COL4A2: variants seen among roughly 807,000 people sequenced by gnomAD.
COL4A2 encodes collagen alpha-2(IV) chain.
In COL4A2, 99 loss-of-function variants were observed where a neutral mutation model predicts 200.2. The observed-to-expected ratio is 0.49, with a 90% CI of 0.42 to 0.58. COL4A2 has a LOEUF of 0.58. Ranked by LOEUF, COL4A2 falls within the 20% of genes least tolerant of loss-of-function variation. The pLI, the probability that COL4A2 is intolerant of heterozygous loss-of-function variation, is 0.00. For missense variants in COL4A2, 1,950 were observed against 2,314.1 expected (o/e 0.84, Z 3.23); for synonymous variants, 897 against 900.6 (o/e 1.00, Z 0.07).
intron 40 of COL4A2, among the ~76,000 whole-genome samples, chr13:110,495,787 G>T (rs1883435211): frequency 6.6e-6 from 1 of 152,178 alleles, no homozygotes; most frequent in Non-Finnish European, 1.5e-5. Flanking sequence ...CAAGCACTCT[G>T]GGTAGTGAAT....
At chr13:110,310,382 A>G (rs1187727643) in intron 3 of COL4A2, among the ~76,000 whole-genome samples, 5 of 152,246 alleles carry the variant, frequency 3.3e-5, no homozygotes, top group Non-Finnish European at 7.3e-5. Context: ...TCTGGGAACC[A>G]CTGAGCTACA....
rs115807648 is a variant in COL4A2, at chr13:110,351,025, C to T, written c.100-6447C>T. Among the ~76,000 whole-genome samples the T allele has an allele frequency of 6.1e-3, 924 of 152,198 alleles. 9 individuals carry two copies. The highest frequency in any genetic ancestry group is 0.021 in the African/African-American group (864 of 41,528). ...CAGTGTCTTCTTTGCTACCTGCTCT[C>T]TCTCTTGTTTCTTTCTTTCTTTATT... On this transcript the variant is annotated intron_variant, in intron 3 of 47. Coordinates refer to ENST00000360467, the MANE Select transcript of COL4A2 (RefSeq NM_001846.4).
intron 6 of COL4A2, 152 bp from the exon 7 acceptor site, chr13:110,428,315 T>C (rs1366839151): frequency 8.6e-6 from 5 of 583,262 alleles, no homozygotes; most frequent in Middle Eastern, 4.0e-4. Context: ...ATTTAATCTT[T>C]CATTCATTCA....
At position 110,512,540 on chromosome 13, in the gene COL4A2, G is replaced by A. The variant is rs374158491; in HGVS notation, c.*349G>A. The A allele has an allele frequency of 4.4e-5, 12 of 270,072 alleles. No homozygotes were observed. Among genetic ancestry groups the A allele is most frequent in the Admixed American group, 1.6e-4 (3 of 19,168 alleles). 16.7% of individuals were successfully genotyped at this position (270,072 alleles called of 1,614,324 possible). A position where few individuals can be genotyped will look rare whatever the true frequency, so the allele number is the denominator to read the frequency against. Reference sequence around the variant, plus strand: ...ACTCACATTGTTCAACTCCCTTCTCGGGGTGGGACAGACGAGACAACAGCA... The same window carrying A: ...ACTCACATTGTTCAACTCCCTTCTCAGGGTGGGACAGACGAGACAACAGCA... On this transcript the variant is annotated 3_prime_UTR_variant, in exon 48 of 48. Coordinates refer to ENST00000360467, the MANE Select transcript of COL4A2 (RefSeq NM_001846.4).
intron 27 of COL4A2, among the ~76,000 whole-genome samples, chr13:110,467,314 C>A (rs929576305): frequency 1.3e-5 from 2 of 152,360 alleles, no homozygotes; most frequent in Non-Finnish European, 2.9e-5. Flanking sequence ...TAGTTGGGGC[C>A]AGGCTAGAAG....
intron 38 of COL4A2, 39 bp from the exon 39 acceptor site, chr13:110,493,172 C>T (rs200433193): frequency 6.8e-6 from 11 of 1,612,538 alleles, no homozygotes; most frequent in Middle Eastern, 1.7e-4. Flanking sequence ...GTGACACCCC[C>T]GCAGGTGAAA....
intron 3 of COL4A2, among the ~76,000 whole-genome samples, chr13:110,336,054 G>A (rs1876171201): frequency 6.6e-6 from 1 of 152,198 alleles, no homozygotes; most frequent in Non-Finnish European, 1.5e-5. Context: ...GCTGACATAT[G>A]TGAAAATGAA....
intron 4 of COL4A2, among the ~76,000 whole-genome samples, chr13:110,390,617 T>A (rs995211393): frequency 6.6e-6 from 1 of 152,234 alleles, no homozygotes; most frequent in African/African-American, 2.4e-5. Context: ...AGTTATTCCA[T>A]AGGGCAGCTG....
intron 4 of COL4A2, among the ~76,000 whole-genome samples, chr13:110,408,253 C>T (rs1434533334): frequency 6.6e-6 from 1 of 152,164 alleles, no homozygotes; most frequent in Non-Finnish European, 1.5e-5. Context: ...CGGGGAGGGG[C>T]CCTCACAGCT....
intron 18 of COL4A2, among the ~76,000 whole-genome samples, chr13:110,447,416 C>T (rs145016990): frequency 4.6e-4 from 70 of 152,244 alleles, no homozygotes; most frequent in African/African-American, 1.4e-3. Flanking sequence ...GGAGTGTAAA[C>T]GAAGGACTTT....
At position 110,450,426 on chromosome 13, in the gene COL4A2, C is replaced by T. The variant is rs983571984; in HGVS notation, c.1311C>T (p.Pro437=). 11 of 1,613,726 alleles carry T rather than the reference C, an allele frequency of 6.8e-6. No homozygotes were observed. The highest frequency in any genetic ancestry group is 5.3e-5 in the African/African-American group (4 of 74,904). ...GAAAGCGAGGGCCTCCAGGACCCCC[C>T]GGGCTCCCTGGACCACCTGGACCTG... The part of the protein sequence containing the change: ...PDGKRGPPGP[P]GLPGPPGPDG... The change falls in exon 20 of 48, where the codon CCC becomes CCT. Residue 437 remains proline, a synonymous_variant. Transcript: ENST00000360467.
chr13:110,480,520 C>G, intron 31 of COL4A2, 130 bp downstream of exon 31: 2 of 952,458 alleles, frequency 2.1e-6, no homozygotes, highest in African/African-American at 3.3e-5. Flanking sequence ...AGATTGGAGG[C>G]CTTGGGACTC....
intron 3 of COL4A2, among the ~76,000 whole-genome samples, chr13:110,315,015 G>A (rs1885094573): frequency 6.6e-6 from 1 of 152,250 alleles, no homozygotes. Flanking sequence ...AGCCAGGATG[G>A]CCAGTGGCTG....
At position 110,482,088 on chromosome 13, in the gene COL4A2, C is replaced by T. The variant is rs150766633; in HGVS notation, c.2759-428C>T. 6.5e-3 allele frequency among the ~76,000 whole-genome samples: 983 copies of T among 152,366 alleles called. 10 individuals carry two copies. Among genetic ancestry groups the T allele is most frequent in the South Asian group, 0.012 (59 of 4,828 alleles). On this transcript the variant is annotated intron_variant, in intron 31 of 47. Transcript: ENST00000360467. ...TTTCTGTTGCTGGAGACACCTTGAC[C>T]TCTCCTTCCGGTGCTGGCGACATTG...
At chr13:110,346,210 G>C (rs540409157) in intron 3 of COL4A2, among the ~76,000 whole-genome samples, 56 of 152,298 alleles carry the variant, frequency 3.7e-4, no homozygotes, top group East Asian at 3.1e-3. Context: ...GGCTTTTGGG[G>C]CGTTGTTTCC....
At chr13:110,451,455 G>A (rs1399962476) in intron 20 of COL4A2, among the ~76,000 whole-genome samples, 1 of 152,208 alleles carries the variant, frequency 6.6e-6, no homozygotes, top group East Asian at 1.9e-4. Flanking sequence ...AGGTTTAATT[G>A]ACTCACAGTT....
chr13:110,432,149 C>T (rs773007927), intron 10 of COL4A2, among the ~76,000 whole-genome samples, 176 bp from the exon 11 acceptor site: 1 of 152,168 alleles, frequency 6.6e-6, no homozygotes. Flanking sequence ...GGAGCTGACC[C>T]GAGTCCCTCT....
intron 4 of COL4A2, among the ~76,000 whole-genome samples, chr13:110,389,772 G>A (rs535519134): frequency 1.0e-3 from 157 of 152,160 alleles, no homozygotes; most frequent in African/African-American, 3.6e-3. Flanking sequence ...CCTTGCTTAG[G>A]TGAACTCCAG....
rs372633566 is a variant in COL4A2 at position 110,450,288 on chromosome 13, A to C, written c.1190-17A>C. 5.9e-5 allele frequency: 95 copies of C among 1,611,002 alleles called. No homozygotes were observed. In the East Asian group the frequency reaches 1.4e-3, roughly 23 times the overall value. On this transcript the variant is annotated splice_polypyrimidine_tract_variant and intron_variant, in intron 19 of 47. Transcript: ENST00000360467. ...TATGGGAGACTCACGCTGCAGGTGAATGCTGTTTGGTTTCAGATCAGAGGA... is the reference window on the plus strand; with the variant it reads ...TATGGGAGACTCACGCTGCAGGTGACTGCTGTTTGGTTTCAGATCAGAGGA...
Sources: gnomAD v4.1 joint callset for allele counts (sites outside exome capture counted in the v4.1 genomes callset) on GRCh38, gnomAD v4.1.1 for gene constraint, MANE v1.5 for transcripts, NCBI Gene and HGNC (gene_info 2026-07-23, HGNC 2026-07-21) for gene names.